Variants in POU2F2 observed in about 807,000 individuals in gnomAD.
The protein encoded by POU2F2 is POU domain, class 2, transcription factor 2.
In POU2F2, 14 loss-of-function variants were observed where a neutral mutation model predicts 63.5. That is an observed-to-expected ratio of 0.22 (90% CI 0.15 to 0.34). POU2F2 has a LOEUF of 0.34. Ranked by LOEUF, POU2F2 falls within the 10% of genes least tolerant of loss-of-function variation. The pLI is 1.00. For missense variants in POU2F2, 607 were observed against 815.2 expected, an observed-to-expected ratio of 0.74 and a Z score of 3.11; for synonymous variants, 306 against 348.6, an observed-to-expected ratio of 0.88 and a Z score of 1.36.
At chr19:42,171,636 T>G (rs1446903793) in intron 1 of POU2F2, among the ~76,000 whole-genome samples, 2 of 152,136 alleles carry the variant, frequency 1.3e-5, no homozygotes, top group Admixed American at 6.5e-5. Flanking sequence ...TTGCTTGTGT[T>G]TGTGAAAGTG....
At chr19:42,166,238 T>C (rs1402176091) in intron 1 of POU2F2, among the ~76,000 whole-genome samples, 2 of 152,214 alleles carry the variant, frequency 1.3e-5, no homozygotes, top group African/African-American at 2.4e-5. Flanking sequence ...GTAAGCTCTG[T>C]GCAGATGGAC....
At chr19:42,190,476 C>T (rs1462865053) in intron 1 of POU2F2, among the ~76,000 whole-genome samples, 1 of 152,036 alleles carries the variant, frequency 6.6e-6, no homozygotes. Context: ...CCTATATGTG[C>T]TACTCTGCCA....
intron 1 of POU2F2, among the ~76,000 whole-genome samples, chr19:42,189,245 C>G (rs2035050610): frequency 6.6e-6 from 1 of 152,154 alleles, no homozygotes; most frequent in Non-Finnish European, 1.5e-5. Flanking sequence ...CCATTACCCA[C>G]GTCCTACTGG....
intron 1 of POU2F2, among the ~76,000 whole-genome samples, chr19:42,164,636 T>C (rs1487584261): frequency 1.3e-5 from 2 of 149,542 alleles, no homozygotes; most frequent in East Asian, 3.9e-4. Flanking sequence ...TTGGGTAAAC[T>C]CATAGCCATA....
At chr19:42,168,252 C>A (rs2034691256) in intron 1 of POU2F2, among the ~76,000 whole-genome samples, 1 of 152,162 alleles carries the variant, frequency 6.6e-6, no homozygotes, top group Admixed American at 6.5e-5. Flanking sequence ...CCTGTCCTGT[C>A]CCCACACGAG....
At chr19:42,118,499 T>G (rs114566322) in intron 4 of POU2F2, among the ~76,000 whole-genome samples, 102 of 152,380 alleles carry the variant, frequency 6.7e-4, no homozygotes, top group African/African-American at 2.4e-3. Flanking sequence ...AGCACAGCAT[T>G]TGTCCTGCAC....
chr19:42,149,094 A>C (rs1219101407), intron 2 of POU2F2, among the ~76,000 whole-genome samples: 1 of 152,138 alleles, frequency 6.6e-6, no homozygotes, highest in Non-Finnish European at 1.5e-5. Flanking sequence ...TAGGAGACAG[A>C]GGACCCTGGG....
chr19:42,125,906 A>G (rs538214992), intron 1 of POU2F2, among the ~76,000 whole-genome samples: 208 of 152,206 alleles, frequency 1.4e-3, no homozygotes, highest in African/African-American at 4.7e-3. Flanking sequence ...ACTCCCACCT[A>G]GCTGGGCATC....
intron 6 of POU2F2, 28 bp from the exon 7 acceptor site, chr19:42,099,646 G>A (rs756808654): frequency 1.1e-5 from 18 of 1,606,926 alleles, no homozygotes; most frequent in Admixed American, 1.7e-5. Context: ...AATACACAGG[G>A]TGAGGGGGAG....
intron 1 of POU2F2, 63 bp downstream of exon 1, chr19:42,132,321 G>T (rs1204472425): frequency 2.6e-6 from 4 of 1,564,580 alleles, no homozygotes; most frequent in East Asian, 2.5e-5. Context: ...GGCAGGGCCC[G>T]CAGAGCAAAC....
chr19:42,116,492 T>A (rs953327925), intron 5 of POU2F2, among the ~76,000 whole-genome samples: 33 of 152,090 alleles, frequency 2.2e-4, no homozygotes, highest in South Asian at 1.0e-3. Flanking sequence ...AGAGGGAGGA[T>A]TATGATGTGG....
chr19:42,186,138 G>A lies in POU2F2; in HGVS notation c.-70+10245C>T, dbSNP rs368890040. Among the ~76,000 whole-genome samples the A allele has an allele frequency of 8.5e-5, 13 of 152,076 alleles. 1 individual carries two copies. Among genetic ancestry groups the A allele is most frequent in the African/African-American group, 3.1e-4 (13 of 41,454 alleles). ...GATTGAGACCATCCTGGCTAACACA[G>A]TGAAACCCCATCTCTACTGAAAATA... On this transcript the variant is annotated intron_variant, in intron 1 of 5. Coordinates refer to the POU2F2 transcript ENST00000532176.
chr19:42,122,492 CT>C lies in POU2F2; in HGVS notation c.94+18del, dbSNP rs2032755480. 6.2e-7 allele frequency: 1 copy of C among 1,611,226 alleles called. No homozygotes were observed. The highest frequency in any genetic ancestry group is 2.2e-5 in the East Asian group (1 of 44,856). ...CCTGCCCACGGTGACCCCTGCCCCC[CT>C]GCTCCCTGCCCACCCACCTGTGTGC... On this transcript the variant is annotated intron_variant, in intron 2 of 14. Transcript: ENST00000692977.
chr19:42,158,608 T>C lies in POU2F2; in HGVS notation c.-9+1724A>G, dbSNP rs182515085. Among the ~76,000 whole-genome samples, 147 of 152,314 alleles carry C rather than the reference T, an allele frequency of 9.7e-4. 1 individual carries two copies. The highest frequency in any genetic ancestry group is 7.3e-5 in the Non-Finnish European group (5 of 68,032). On this transcript the variant is annotated intron_variant, in intron 2 of 6. Coordinates refer to the POU2F2 transcript ENST00000524801. Reference sequence around the variant, plus strand: ...CCCAGAACAGGCCCTTGCACAAAGGTGGCCCCTAATAAATATCAGTTTCCT... The same window carrying C: ...CCCAGAACAGGCCCTTGCACAAAGGCGGCCCCTAATAAATATCAGTTTCCT...
chr19:42,183,180 C>T lies in POU2F2; in HGVS notation c.-70+13203G>A, dbSNP rs531813637. Among the ~76,000 whole-genome samples, 4 of 152,306 alleles carry T rather than the reference C, an allele frequency of 2.6e-5. No homozygotes were observed. In the South Asian group the frequency reaches 8.3e-4, roughly 32 times the overall value. Reference sequence around the variant, plus strand: ...AATACTATCACGAATTAGCACTATGCTGTAAGCTGAAGAAACAAATGCAAA... The same window carrying T: ...AATACTATCACGAATTAGCACTATGTTGTAAGCTGAAGAAACAAATGCAAA... On this transcript the variant is annotated intron_variant, in intron 1 of 5. Coordinates refer to the POU2F2 transcript ENST00000532176.
intron 1 of POU2F2, among the ~76,000 whole-genome samples, chr19:42,194,834 A>G: frequency 8.4e-6 from 1 of 118,552 alleles, no homozygotes; most frequent in Non-Finnish European, 1.7e-5. Flanking sequence ...GCAGAAAGGG[A>G]GAAAGGGAGG....
At chr19:42,181,358 G>A (rs978058340) in intron 1 of POU2F2, among the ~76,000 whole-genome samples, 1 of 152,242 alleles carries the variant, frequency 6.6e-6, no homozygotes, top group Non-Finnish European at 1.5e-5. Context: ...TGAGGAATGT[G>A]TGTGTGTGCA....
In POU2F2 at chr19:42,155,150, T is replaced by G. The variant is rs1039069977; in HGVS notation, c.-9+5182A>C. On this transcript the variant is annotated intron_variant, in intron 2 of 6. Coordinates refer to the POU2F2 transcript ENST00000524801. This position sits in a 1 kb window ranked among gnomAD's most constrained non-coding sequence, Gnocchi z 4.2. ...CCTCAGCTGCAGCTGCCCCGCACTGTTTTTTCTTTCTCATTGTCCCCTGCC... is the reference window on the plus strand; with the variant it reads ...CCTCAGCTGCAGCTGCCCCGCACTGGTTTTTCTTTCTCATTGTCCCCTGCC... 2.0e-5 allele frequency among the ~76,000 whole-genome samples: 3 copies of G among 152,302 alleles called. No homozygotes were observed. Among genetic ancestry groups the G allele is most frequent in the African/African-American group, 7.2e-5 (3 of 41,574 alleles).
At chr19:42,132,763 T>C (rs749892336), upstream of POU2F2, 3 of 306,856 alleles carry the variant, frequency 9.8e-6, no homozygotes, top group Non-Finnish European at 1.8e-5. Flanking sequence ...GGAGAGAAGG[T>C]GGGTCCACAG....
Sources: gnomAD v4.1 joint callset for allele counts (sites outside exome capture counted in the v4.1 genomes callset) on GRCh38, gnomAD v4.1.1 for gene constraint, Gnocchi (gnomAD v3.1) non-coding constraint, MANE v1.5 for transcripts, NCBI Gene and HGNC (gene_info 2026-07-23, HGNC 2026-07-21) for gene names.